MACROD2: variants seen among roughly 807,000 people sequenced by gnomAD.
The protein encoded by MACROD2 is ADP-ribose glycohydrolase MACROD2.
MACROD2 carries 36 observed loss-of-function variants against 70.4 expected under a neutral mutation model. That is an observed-to-expected ratio of 0.51 (90% CI 0.39 to 0.68). The LOEUF is 0.68. MACROD2 is among the 30% of genes least tolerant of loss of function. MACROD2 has a pLI of 0.00. For missense variants in MACROD2, 496 were observed against 538.4 expected, an observed-to-expected ratio of 0.92 and a Z score of 0.78; for synonymous variants, 172 against 178.8, an observed-to-expected ratio of 0.96 and a Z score of 0.30.
chr20:15,097,942 G>A (rs188319874), intron 5 of MACROD2, among the ~76,000 whole-genome samples: 21 of 152,254 alleles, frequency 1.4e-4, no homozygotes, highest in Admixed American at 1.1e-3. Context: ...GGATGCTGGT[G>A]TTTGGCAAGT....
At chr20:15,309,489 GC>G (rs1205206129) in intron 6 of MACROD2, among the ~76,000 whole-genome samples, 1 of 152,144 alleles carries the variant, frequency 6.6e-6, no homozygotes, top group Non-Finnish European at 1.5e-5. Flanking sequence ...TCTAATTTGT[GC>G]TTCTGAAGCA....
At chr20:15,311,749 TA>T (rs1402319055) in intron 6 of MACROD2, among the ~76,000 whole-genome samples, 1 of 151,874 alleles carries the variant, frequency 6.6e-6, no homozygotes, top group Non-Finnish European at 1.5e-5. Context: ...CTCACAAACA[TA>T]AAGATGACAC....
intron 6 of MACROD2, among the ~76,000 whole-genome samples, chr20:15,309,257 AT>A (rs2077727968): frequency 6.6e-6 from 1 of 152,194 alleles, no homozygotes; most frequent in Non-Finnish European, 1.5e-5. Flanking sequence ...AATTTCTAGA[AT>A]TTGCTTCATT....
intron 8 of MACROD2, among the ~76,000 whole-genome samples, chr20:15,772,094 AAAAAAAAAT>A (rs1183944442): frequency 0.019 from 1,946 of 101,264 alleles, 37 homozygotes; most frequent in African/African-American, 0.08. Context: ...CAAAAAAAAA[AAAAAAAAAT>A]ATATATATAT....
At chr20:15,402,146 A>C (rs1345091135) in intron 6 of MACROD2, among the ~76,000 whole-genome samples, 1 of 152,118 alleles carries the variant, frequency 6.6e-6, no homozygotes, top group Admixed American at 6.6e-5. Flanking sequence ...AGTCTAAGCC[A>C]CACAGCTGCT....
At chr20:14,753,518 G>T (rs1381031880) in intron 5 of MACROD2, among the ~76,000 whole-genome samples, 2 of 151,976 alleles carry the variant, frequency 1.3e-5, no homozygotes, top group Non-Finnish European at 2.9e-5. Flanking sequence ...ATCTAAAAAG[G>T]TTATCATTTT....
At chr20:15,869,793 C>T (rs962258061) in intron 9 of MACROD2, among the ~76,000 whole-genome samples, 3 of 151,944 alleles carry the variant, frequency 2.0e-5, no homozygotes, top group African/African-American at 7.2e-5. Flanking sequence ...AATTATATCT[C>T]GGGAACTTCT....
rs77682868 is a variant in MACROD2, at chr20:14,569,183, C to T, written c.301+75675C>T. On this transcript the variant is annotated intron_variant, in intron 4 of 17. Transcript: ENST00000684519. Reference sequence around the variant, plus strand: ...GTGGGCTGGTATTTCTGACAGAATGCTTTTTAAGAGTTACATTTCTAGCTA... The same window carrying T: ...GTGGGCTGGTATTTCTGACAGAATGTTTTTTAAGAGTTACATTTCTAGCTA... 1.8e-3 allele frequency among the ~76,000 whole-genome samples: 280 copies of T among 152,006 alleles called. 1 individual carries two copies. Among genetic ancestry groups the T allele is most frequent in the African/African-American group, 6.5e-3 (269 of 41,472 alleles).
Position 15,898,380 on chromosome 20 carries a change from G to A in MACROD2, c.775+12569G>A, listed in dbSNP as rs543431125. ...ACCTGGCCAACATGGTGAAACCCCC[G>A]TCTCTACTAAAAATACAAAAATTAG... On this transcript the variant is annotated intron_variant, in intron 10 of 17. Coordinates refer to ENST00000684519, the MANE Select transcript of MACROD2 (RefSeq NM_001351661.2). Among the ~76,000 whole-genome samples, 201 of 151,822 alleles carry A rather than the reference G, an allele frequency of 1.3e-3. 1 individual carries two copies. Among genetic ancestry groups the A allele is most frequent in the Admixed American group, 2.7e-3 (41 of 15,238 alleles).
intron 4 of MACROD2, among the ~76,000 whole-genome samples, chr20:14,532,218 C>CTTTTT (rs1170533352): frequency 1.3e-4 from 17 of 131,464 alleles, no homozygotes; most frequent in African/African-American, 4.9e-4. Flanking sequence ...TATAACTAAT[C>CTTTTT]TTTTTTTTTT....
chr20:15,475,025 T>A (rs866903163), intron 7 of MACROD2, among the ~76,000 whole-genome samples: 1,844 of 141,430 alleles, frequency 0.013, 32 homozygotes, highest in African/African-American at 0.044. Flanking sequence ...AAAAAAAAAA[T>A]AAATAACAAT....
At chr20:14,228,152 G>GT (rs2081760833) in intron 3 of MACROD2, among the ~76,000 whole-genome samples, 1 of 129,746 alleles carries the variant, frequency 7.7e-6, no homozygotes, top group Non-Finnish European at 1.6e-5. Flanking sequence ...TATATATATA[G>GT]TTTTTTCTAT....
At chr20:15,554,186 G>A (rs763923244) in intron 8 of MACROD2, among the ~76,000 whole-genome samples, 1 of 152,206 alleles carries the variant, frequency 6.6e-6, no homozygotes, top group Non-Finnish European at 1.5e-5. Flanking sequence ...CATAGAGAGA[G>A]ACAGTGCTAA....
chr20:14,905,205 GTTT>G (rs1568865759), intron 5 of MACROD2: 1 of 152,106 alleles, frequency 6.6e-6, no homozygotes, highest in Non-Finnish European at 1.5e-5. Flanking sequence ...TGAAGAAAAT[GTTT>G]TGGACATTTA....
At chr20:14,011,492 G>A (rs938556066) in intron 2 of MACROD2, among the ~76,000 whole-genome samples, 1 of 151,322 alleles carries the variant, frequency 6.6e-6, no homozygotes, top group African/African-American at 2.4e-5. Context: ...TTTTGTCTGC[G>A]TTAAAAAGCC....
At position 14,181,089 on chromosome 20, in the gene MACROD2, A is replaced by G. The variant is rs187541124; in HGVS notation, c.271+95361A>G. 5.7e-4 allele frequency among the ~76,000 whole-genome samples: 85 copies of G among 148,750 alleles called. No individual in the cohort carries two copies. The East Asian group carries it at 0.016, about 28-fold the overall frequency. On this transcript the variant is annotated intron_variant, in intron 3 of 17. Transcript: ENST00000684519. The stretch of plus-strand genomic sequence containing the variant: ...TTACATTTTTTTTTTTTTTTTAGAC[A>G]GGGTCTCTCTCTCTGTTGCCCAGGC...
chr20:15,249,284 G>A (rs1190927391), intron 6 of MACROD2, among the ~76,000 whole-genome samples: 1 of 152,222 alleles, frequency 6.6e-6, no homozygotes, highest in African/African-American at 2.4e-5. Flanking sequence ...CAGGGTGACA[G>A]CCCAAGAGCT....
rs1600763540 is a variant in MACROD2, at chr20:14,882,914, T to C, written c.418+197955T>C. The stretch of plus-strand genomic sequence containing the variant: ...AGAAACAATTCCACCAATGCTGATA[T>C]TATGGAGACACCAACATGCCCTCTT... On this transcript the variant is annotated intron_variant, in intron 5 of 17. Transcript: ENST00000684519. Among the ~76,000 whole-genome samples, 6 of 152,236 alleles carry C rather than the reference T, an allele frequency of 3.9e-5. No individual in the cohort carries two copies. The South Asian group carries it at 1.2e-3, about 32-fold the overall frequency.
chr20:14,977,138 A>C (rs2074747253), intron 5 of MACROD2, among the ~76,000 whole-genome samples: 1 of 152,078 alleles, frequency 6.6e-6, no homozygotes, highest in Non-Finnish European at 1.5e-5. Context: ...ATGAAGTCAG[A>C]ACTGACATTA....
Sources: allele counts gnomAD v4.1 joint callset (sites outside exome capture counted in the v4.1 genomes callset), GRCh38; gene constraint gnomAD v4.1.1; transcripts MANE v1.5; gene names NCBI Gene and HGNC (gene_info 2026-07-23, HGNC 2026-07-21).